Variants in ELFN2 observed in about 807,000 individuals in gnomAD.
ELFN2 encodes extracellular leucine rich repeat and fibronectin type III domain containing 2, also known as protein phosphatase 1 regulatory subunit 29.
A neutral mutation model predicts 45.5 loss-of-function variants in ELFN2; 17 were observed. The observed-to-expected ratio is 0.37, with a 90% CI of 0.26 to 0.56. The LOEUF (loss-of-function observed/expected upper bound fraction) is 0.56, where lower values mean the gene tolerates loss of function less well. Among genes scored for constraint, ELFN2 ranks in the 20% least tolerant of loss-of-function variants. The pLI, the probability that ELFN2 is intolerant of heterozygous loss-of-function variation, is 0.77. For synonymous variants in ELFN2, 550 were observed against 551.5 expected (o/e 1.00, Z 0.04); for missense variants, 922 against 1,183.2 (o/e 0.78, Z 3.24).
At chr22:37,363,352 G>A (rs902892977), downstream of ELFN2, among the ~76,000 whole-genome samples, 2 of 152,226 alleles carry the variant, frequency 1.3e-5, no homozygotes, top group African/African-American at 4.8e-5. Flanking sequence ...GGGCAGATGA[G>A]TGAGTTTTCT....
downstream of ELFN2, among the ~76,000 whole-genome samples, chr22:37,366,960 AG>A (rs1931220031): frequency 6.6e-6 from 1 of 152,180 alleles, no homozygotes; most frequent in African/African-American, 2.4e-5. Context: ...GGAGGCAGGC[AG>A]GGGGGCAGGA....
chr22:37,409,518 TGCCTAAAGTGCTCAGCCAACAGCGAGA>T (rs2145680202), intron 2 of ELFN2, among the ~76,000 whole-genome samples: 1 of 152,312 alleles, frequency 6.6e-6, no homozygotes, highest in Non-Finnish European at 1.5e-5. Flanking sequence ...AATGGGCTCC[TGCCTAAAGTGCTCAGCCAACAGCGAGA>T]GGAGCCCAGA....
chr22:37,353,914 A>G (rs978363660), intron 1 of ELFN2: 14 of 138,254 alleles, frequency 1.0e-4, no homozygotes, highest in African/African-American at 3.4e-4. Context: ...TCCTAGGTTT[A>G]CACTCAACAG....
At chr22:37,418,961 C>T (rs531140899) in intron 1 of ELFN2, 1 of 152,396 alleles carries the variant, frequency 6.6e-6, no homozygotes, top group East Asian at 1.9e-4. Flanking sequence ...CACACACACT[C>T]AGCTCCTCCC....
chr22:37,400,787 C>T (rs1171258344), intron 2 of ELFN2, among the ~76,000 whole-genome samples: 1 of 152,252 alleles, frequency 6.6e-6, no homozygotes, highest in Non-Finnish European at 1.5e-5. Context: ...ACAGGCCCTG[C>T]CTTGCCTTCT....
intron 1 of ELFN2, among the ~76,000 whole-genome samples, chr22:37,345,126 C>A (rs1268808691): frequency 7.7e-6 from 1 of 129,852 alleles, no homozygotes; most frequent in African/African-American, 2.7e-5. Context: ...TCCTGTGCCC[C>A]CTTCTGGGCC....
chr22:37,403,756 A>ACAGC (rs1932426314), intron 2 of ELFN2, among the ~76,000 whole-genome samples: 1 of 152,264 alleles, frequency 6.6e-6, no homozygotes. Flanking sequence ...GAGGTCTCAC[A>ACAGC]CAGCCAGCCA....
intron 2 of ELFN2, among the ~76,000 whole-genome samples, chr22:37,393,635 A>G (rs2145661819): frequency 6.6e-6 from 1 of 152,056 alleles, no homozygotes; most frequent in East Asian, 1.9e-4. Flanking sequence ...ATCAACCTCC[A>G]CTTAACAGAT....
At chr22:37,358,408 G>A (rs149587499) in intron 1 of ELFN2, among the ~76,000 whole-genome samples, 25 of 152,338 alleles carry the variant, frequency 1.6e-4, no homozygotes, top group African/African-American at 6.0e-4. Flanking sequence ...CCGCCGGGGC[G>A]AGCCTCGGTC....
At chr22:37,416,082 CT>C (rs1460396616) in intron 2 of ELFN2, among the ~76,000 whole-genome samples, 2 of 152,230 alleles carry the variant, frequency 1.3e-5, no homozygotes, top group Admixed American at 1.3e-4. Context: ...AGGCATGTGC[CT>C]CATCTCCATT....
At chr22:37,358,414 C>T (rs1420584564) in intron 1 of ELFN2, among the ~76,000 whole-genome samples, 1 of 152,218 alleles carries the variant, frequency 6.6e-6, no homozygotes, top group African/African-American at 2.4e-5. Flanking sequence ...GGGCGAGCCT[C>T]GGTCCACCGT....
chr22:37,354,504 G>A (rs1191211456), intron 1 of ELFN2: 2 of 151,934 alleles, frequency 1.3e-5, no homozygotes, highest in African/African-American at 4.8e-5. Context: ...TTTTCTATGC[G>A]ATTCTATGGC....
intron 1 of ELFN2, among the ~76,000 whole-genome samples, chr22:37,426,611 GCA>G (rs137928365): frequency 8.4e-6 from 1 of 118,948 alleles, no homozygotes; most frequent in Admixed American, 9.3e-5. Context: ...ACACACGCAC[GCA>G]CACACACACA....
At chr22:37,419,843 C>T (rs1200517947) in intron 1 of ELFN2, among the ~76,000 whole-genome samples, 1 of 152,156 alleles carries the variant, frequency 6.6e-6, no homozygotes, top group Non-Finnish European at 1.5e-5. Context: ...GCACACACAC[C>T]CCCTCGCCAG....
intron 2 of ELFN2, among the ~76,000 whole-genome samples, chr22:37,391,739 C>A (rs141287657): frequency 7.2e-5 from 11 of 152,190 alleles, no homozygotes; most frequent in Non-Finnish European, 1.5e-4. Context: ...CAACCCCAAA[C>A]GGCAGACAGA....
At chr22:37,356,360 G>A (rs190904016) in intron 1 of ELFN2, among the ~76,000 whole-genome samples, 28 of 152,224 alleles carry the variant, frequency 1.8e-4, no homozygotes, top group Admixed American at 1.0e-3. Context: ...CCCAGACCCC[G>A]GGGAAGAGTA....
chr22:37,394,806 CAAGATA>C (rs748992286), intron 2 of ELFN2, among the ~76,000 whole-genome samples: 2 of 152,110 alleles, frequency 1.3e-5, no homozygotes, highest in Non-Finnish European at 2.9e-5. Flanking sequence ...TACAGGGTGT[CAAGATA>C]AAGATCGTCA....
intron 1 of ELFN2, among the ~76,000 whole-genome samples, chr22:37,350,297 T>A (rs1427646067): frequency 6.6e-6 from 1 of 150,876 alleles, no homozygotes; most frequent in Non-Finnish European, 1.5e-5. Flanking sequence ...GATTCAGTTT[T>A]GTTCCTGGAG....
At chr22:37,378,800 C>T (rs187326643) in intron 2 of ELFN2, among the ~76,000 whole-genome samples, 5 of 152,358 alleles carry the variant, frequency 3.3e-5, no homozygotes, top group African/African-American at 1.2e-4. Flanking sequence ...AGACCTGACG[C>T]GGCCAGGGAG....
Sources: gnomAD v4.1 joint callset for allele counts (sites outside exome capture counted in the v4.1 genomes callset) on GRCh38, gnomAD v4.1.1 for gene constraint, MANE v1.5 for transcripts, NCBI Gene and HGNC (gene_info 2026-07-23, HGNC 2026-07-21) for gene names.